The following CNTN5 variants were observed in gnomAD, a reference collection of about 807,000 sequenced individuals.
The protein encoded by CNTN5 is contactin 5.
A neutral mutation model predicts 129.1 loss-of-function variants in CNTN5; 77 were observed. That is an observed-to-expected ratio of 0.60 (90% CI 0.50 to 0.72). The LOEUF (loss-of-function observed/expected upper bound fraction) is 0.72, where lower values mean the gene tolerates loss of function less well. Among genes scored for constraint, CNTN5 ranks in the 30% least tolerant of loss-of-function variants. CNTN5 has a pLI of 0.00. For synonymous variants in CNTN5, 509 were observed against 465.6 expected, an observed-to-expected ratio of 1.09 and a Z score of -1.20; for missense variants, 1,478 against 1,328.8, an observed-to-expected ratio of 1.11 and a Z score of -1.75.
intron 2 of CNTN5, among the ~76,000 whole-genome samples, chr11:99,339,784 A>C (rs1358840952): frequency 8.4e-5 from 2 of 23,680 alleles, no homozygotes; most frequent in Admixed American, 1.3e-3. Flanking sequence ...TCCGACTCAA[A>C]AAAGAAAAAA....
At chr11:99,717,537 T>G (rs984877096) in intron 3 of CNTN5, among the ~76,000 whole-genome samples, 1 of 152,054 alleles carries the variant, frequency 6.6e-6, no homozygotes, top group Non-Finnish European at 1.5e-5. Flanking sequence ...TGCATGTGTG[T>G]GTGTTTGTTC....
In CNTN5 at chr11:99,044,251, C is replaced by T. The variant is rs375162060; in HGVS notation, c.-210+22981C>T. On this transcript the variant is annotated intron_variant, in intron 1 of 24. Coordinates refer to ENST00000524871, the MANE Select transcript of CNTN5 (RefSeq NM_014361.4). Reference sequence around the variant, plus strand: ...TATCTAAGTATTAAAAAATTATAAACTAAGCTAACAAAATTCTATTCTCCA... The same window carrying T: ...TATCTAAGTATTAAAAAATTATAAATTAAGCTAACAAAATTCTATTCTCCA... Among the ~76,000 whole-genome samples the T allele has an allele frequency of 2.8e-4, 42 of 152,172 alleles. 1 individual carries two copies. The South Asian group carries it at 8.5e-3, about 31-fold the overall frequency.
chr11:99,833,349 A>G (rs1163789126), intron 4 of CNTN5, among the ~76,000 whole-genome samples: 1 of 152,120 alleles, frequency 6.6e-6, no homozygotes, highest in Admixed American at 6.6e-5. Flanking sequence ...TTGATTTAGA[A>G]TTTTTTAACT....
intron 13 of CNTN5, among the ~76,000 whole-genome samples, chr11:100,125,800 A>G (rs943980022): frequency 6.6e-6 from 1 of 151,568 alleles, no homozygotes; most frequent in Non-Finnish European, 1.5e-5. Flanking sequence ...GGGTCTCAAT[A>G]TTTCCTTCTT....
intron 1 of CNTN5, among the ~76,000 whole-genome samples, chr11:99,275,709 A>G (rs571381254): frequency 4.6e-5 from 7 of 151,662 alleles, no homozygotes; most frequent in Non-Finnish European, 8.9e-5. Flanking sequence ...AACTGTGACC[A>G]TATAGTCTGT....
chr11:100,034,551 G>T (rs934869395), intron 9 of CNTN5, among the ~76,000 whole-genome samples: 2 of 152,062 alleles, frequency 1.3e-5, no homozygotes, highest in African/African-American at 2.4e-5. Flanking sequence ...CATTATTCTT[G>T]CTGCATACAG....
At chr11:100,337,725 G>T in intron 21 of CNTN5, 1 of 460,856 alleles carries the variant, frequency 2.2e-6, no homozygotes, top group South Asian at 1.9e-5. Flanking sequence ...GCTTCTAGAA[G>T]TCAGTTTCAT....
At chr11:99,266,512 G>A (rs1862901963) in intron 1 of CNTN5, among the ~76,000 whole-genome samples, 2 of 152,038 alleles carry the variant, frequency 1.3e-5, no homozygotes, top group South Asian at 4.1e-4. Context: ...TGAGGCTGGA[G>A]GATTGCTTGA....
intron 3 of CNTN5, among the ~76,000 whole-genome samples, chr11:99,737,791 G>A (rs986257952): frequency 2.0e-5 from 3 of 151,956 alleles, no homozygotes; most frequent in Admixed American, 6.5e-5. Flanking sequence ...TTTGTTACTC[G>A]ACTAAGCCTT....
intron 13 of CNTN5, among the ~76,000 whole-genome samples, chr11:100,079,753 T>A (rs1944287180): frequency 1.3e-5 from 2 of 152,154 alleles, no homozygotes; most frequent in South Asian, 4.1e-4. Context: ...ATCATTTCCC[T>A]TTTCATACTG....
chr11:99,354,122 A>G (rs1417467487), intron 2 of CNTN5, among the ~76,000 whole-genome samples: 2 of 152,214 alleles, frequency 1.3e-5, no homozygotes, highest in Non-Finnish European at 2.9e-5. Flanking sequence ...AGGTTTCTTA[A>G]GAATAATTAA....
At chr11:100,023,451 T>C (rs1941266344) in intron 9 of CNTN5, among the ~76,000 whole-genome samples, 1 of 152,194 alleles carries the variant, frequency 6.6e-6, no homozygotes, top group Admixed American at 6.5e-5. Flanking sequence ...TCCTCTGTTA[T>C]CATCATCTAC....
intron 13 of CNTN5, among the ~76,000 whole-genome samples, chr11:100,080,034 C>T (rs1591196689): frequency 6.6e-6 from 1 of 152,094 alleles, no homozygotes; most frequent in South Asian, 2.1e-4. Flanking sequence ...ATGAAGAATA[C>T]ATAGTTTTTG....
At chr11:99,846,258 T>G (rs1215668386) in intron 6 of CNTN5, among the ~76,000 whole-genome samples, 4 of 147,324 alleles carry the variant, frequency 2.7e-5, no homozygotes, top group African/African-American at 1.0e-4. Context: ...CCTGGGAGGC[T>G]GAGGCAGGAG....
chr11:99,645,481 T>G (rs968178378), intron 3 of CNTN5, among the ~76,000 whole-genome samples: 1 of 151,954 alleles, frequency 6.6e-6, no homozygotes, highest in Non-Finnish European at 1.5e-5. Flanking sequence ...ATCATTCTAC[T>G]ATAAAGACAT....
intron 6 of CNTN5, among the ~76,000 whole-genome samples, chr11:99,878,781 G>A (rs1434241752): frequency 6.6e-6 from 1 of 151,876 alleles, no homozygotes; most frequent in African/African-American, 2.4e-5. Flanking sequence ...CTTGAACCCC[G>A]GAGGCAGAGG....
chr11:99,796,095 C>A (rs1945928037), intron 3 of CNTN5, among the ~76,000 whole-genome samples: 1 of 152,056 alleles, frequency 6.6e-6, no homozygotes, highest in African/African-American at 2.4e-5. Flanking sequence ...GGGGCAGGGC[C>A]ACTGGCATCT....
chr11:99,521,236 A>C (rs1163319632), intron 2 of CNTN5, among the ~76,000 whole-genome samples: 3 of 152,124 alleles, frequency 2.0e-5, no homozygotes, highest in African/African-American at 7.2e-5. Context: ...GATGTGGCTG[A>C]AGGTTGATAA....
intron 13 of CNTN5, among the ~76,000 whole-genome samples, chr11:100,135,176 GTTT>G (rs10652749): frequency 4.7e-5 from 6 of 127,076 alleles, no homozygotes; most frequent in African/African-American, 1.4e-4. Context: ...ATATAAAAGT[GTTT>G]TTTTTTTTTT....
Sources: gnomAD v4.1 joint callset for allele counts (sites outside exome capture counted in the v4.1 genomes callset) on GRCh38, gnomAD v4.1.1 for gene constraint, MANE v1.5 for transcripts, NCBI Gene and HGNC (gene_info 2026-07-23, HGNC 2026-07-21) for gene names.